Variants in MCF2L2 observed in about 807,000 individuals in gnomAD.
MCF2L2 encodes MCF.2 cell line derived transforming sequence-like 2.
In MCF2L2, 102 loss-of-function variants were observed where a neutral mutation model predicts 150.2. That is an observed-to-expected ratio of 0.68 (90% CI 0.58 to 0.80). The LOEUF (loss-of-function observed/expected upper bound fraction) is 0.80, where lower values mean the gene tolerates loss of function less well. Ranked by LOEUF, MCF2L2 falls within the 30% of genes least tolerant of loss-of-function variation. MCF2L2 has a pLI of 0.00. For missense variants in MCF2L2, 1,256 were observed against 1,372.8 expected (o/e 0.91, Z 1.34); for synonymous variants, 465 against 491.3 (o/e 0.95, Z 0.71).
intron 25 of MCF2L2, among the ~76,000 whole-genome samples, chr3:183,201,887 T>C (rs1337406544): frequency 6.6e-6 from 1 of 152,240 alleles, no homozygotes; most frequent in Non-Finnish European, 1.5e-5. Flanking sequence ...GATAATCATG[T>C]GGTTTTTGTC....
intron 1 of MCF2L2, among the ~76,000 whole-genome samples, chr3:183,401,201 G>A (rs1714736724): frequency 6.6e-6 from 1 of 152,210 alleles, no homozygotes; most frequent in South Asian, 2.1e-4. Flanking sequence ...TATACTCAGA[G>A]AGAGGCTGCC....
At chr3:183,195,989 C>T (rs573830981) in intron 25 of MCF2L2, among the ~76,000 whole-genome samples, 1 of 152,182 alleles carries the variant, frequency 6.6e-6, no homozygotes, top group Admixed American at 6.5e-5. Flanking sequence ...TCCCACCCAC[C>T]CTGCTGCCTG....
At chr3:183,396,612 T>C (rs1714479960) in intron 1 of MCF2L2, among the ~76,000 whole-genome samples, 1 of 152,082 alleles carries the variant, frequency 6.6e-6, no homozygotes. Context: ...CAAGAAAAAA[T>C]ATATTTTATG....
intron 5 of MCF2L2, among the ~76,000 whole-genome samples, chr3:183,333,842 T>TTA (rs1469308394): frequency 1.3e-5 from 2 of 151,930 alleles, no homozygotes; most frequent in Admixed American, 6.6e-5. Context: ...TGGACTCTAA[T>TTA]ATTTTCAACA....
intron 3 of MCF2L2, among the ~76,000 whole-genome samples, chr3:183,358,447 CTACA>C (rs1184554066): frequency 1.3e-5 from 2 of 152,236 alleles, no homozygotes; most frequent in Non-Finnish European, 2.9e-5. Flanking sequence ...TACAAAAACA[CTACA>C]TAAAGTTAAA....
chr3:183,389,723 G>C lies in MCF2L2; in HGVS notation c.133C>G (p.Leu45Val), dbSNP rs372319976. The C allele has an allele frequency of 1.9e-5, 31 of 1,614,036 alleles. No homozygotes were observed. Among genetic ancestry groups the C allele is most frequent in the Non-Finnish European group, 2.6e-5 (31 of 1,179,984 alleles). ...PLMAVEIIEQ[L>V]HRQFAILSGG... ...GAAAGAATGGCAAATTGTCTGTGAA[G>C]TTGTTCTATTATCTCCACCGCCATC... is the stretch of plus-strand genomic sequence containing the variant. The change falls in exon 2 of 30, where the codon CTT becomes GTT. Residue 45 changes from leucine (L) to valine (V), a missense_variant. Physicochemically the swap from Leu to Val is conservative, Grantham distance 32. Coordinates refer to ENST00000328913, the MANE Select transcript of MCF2L2 (RefSeq NM_015078.4).
Position 183,270,326 on chromosome 3 carries a change from C to A in MCF2L2, c.1862+6546G>T. ...TTACTCTGAAATTACTTATGCAGTT[C>A]AGTTGGGCAAATACCTATTGTCCAC... On this transcript the variant is annotated intron_variant, in intron 15 of 29. Transcript: ENST00000328913. The surrounding 1 kb of genome is among the most constrained non-coding windows in gnomAD (Gnocchi z 4.5). The A allele has an allele frequency of 1.2e-6, 2 of 1,614,102 alleles. No homozygotes were observed. The highest frequency in any genetic ancestry group is 2.2e-5 in the South Asian group (2 of 91,062).
chr3:183,412,647 G>C (rs911257149), intron 1 of MCF2L2, among the ~76,000 whole-genome samples: 1 of 152,246 alleles, frequency 6.6e-6, no homozygotes, highest in South Asian at 2.1e-4. Flanking sequence ...CTATATACAA[G>C]ATCATGTCAT....
chr3:183,206,082 A>G, intron 24 of MCF2L2, 40 bp downstream of exon 24: 2 of 1,586,022 alleles, frequency 1.3e-6, no homozygotes, highest in Non-Finnish European at 8.7e-7. Context: ...CACAATAAGG[A>G]AAGAGTAGAG....
At chr3:183,188,895 G>A (rs1576907609) in intron 27 of MCF2L2, among the ~76,000 whole-genome samples, 2 of 152,194 alleles carry the variant, frequency 1.3e-5, no homozygotes, top group East Asian at 1.9e-4. Flanking sequence ...TTGCACCCAG[G>A]AGGTGGAGGT....
intron 3 of MCF2L2, chr3:183,373,402 T>TA (rs1337348909): frequency 5.3e-5 from 8 of 152,188 alleles, no homozygotes; most frequent in African/African-American, 1.9e-4. Flanking sequence ...TGAATCTTTT[T>TA]ATATATTGAT....
At chr3:183,220,694 A>ACCAT (rs1384976190) in intron 20 of MCF2L2, among the ~76,000 whole-genome samples, 25 of 152,200 alleles carry the variant, frequency 1.6e-4, no homozygotes, top group Non-Finnish European at 3.4e-4. Context: ...GTACCATTTA[A>ACCAT]TCAAAAATCT....
chr3:183,210,053 G>A (rs571783727), intron 22 of MCF2L2, among the ~76,000 whole-genome samples: 4 of 152,094 alleles, frequency 2.6e-5, no homozygotes, highest in Admixed American at 6.6e-5. Flanking sequence ...AACATTCGAC[G>A]CATCTTACAG....
At chr3:183,361,237 G>A (rs78782830) in intron 3 of MCF2L2, among the ~76,000 whole-genome samples, 5,107 of 152,250 alleles carry the variant, frequency 0.034, 274 homozygotes, top group African/African-American at 0.11. Flanking sequence ...GGCATCATAG[G>A]TGGAAACTGA....
At chr3:183,262,133 A>C (rs1725657653) in intron 15 of MCF2L2, among the ~76,000 whole-genome samples, 1 of 126,756 alleles carries the variant, frequency 7.9e-6, no homozygotes, top group Non-Finnish European at 1.5e-5. Context: ...TCGTTTTATG[A>C]TACTTTATTA....
Position 183,244,206 on chromosome 3 carries a change from A to T in MCF2L2, c.1863-13189T>A, listed in dbSNP as rs549883930. Among the ~76,000 whole-genome samples the T allele has an allele frequency of 1.4e-4, 10 of 70,828 alleles. No homozygotes were observed. The South Asian group carries it at 3.2e-3, about 23-fold the overall frequency. The allele number at this position is 70,828 out of a possible 152,430, so 46.5% of individuals were successfully genotyped here. Reference sequence around the variant, plus strand: ...CCATTCCCAGTACCAAAATCTGATTAAAAAAAAAAAACAGGCAGAGGAAGG... The same window carrying T: ...CCATTCCCAGTACCAAAATCTGATTTAAAAAAAAAAACAGGCAGAGGAAGG... On this transcript the variant is annotated intron_variant, in intron 15 of 29. Transcript: ENST00000328913.
At position 183,181,205 on chromosome 3, in the gene MCF2L2, G is replaced by C. The variant is rs1721507152; in HGVS notation, c.3017-1046C>G. 6.6e-6 allele frequency among the ~76,000 whole-genome samples: 1 copy of C among 152,146 alleles called. No individual in the cohort carries two copies. Among genetic ancestry groups the C allele is most frequent in the Admixed American group, 6.5e-5 (1 of 15,282 alleles). On this transcript the variant is annotated intron_variant, in intron 27 of 29. Coordinates refer to ENST00000328913, the MANE Select transcript of MCF2L2 (RefSeq NM_015078.4). This position sits in a 1 kb window ranked among gnomAD's most constrained non-coding sequence, Gnocchi z 4.3. ...GAGGGAGCTGCAGTTATCTGGGTGAGCAGGCAGCACAAGTAGCGTCTCCTG... is the reference window on the plus strand; with the variant it reads ...GAGGGAGCTGCAGTTATCTGGGTGACCAGGCAGCACAAGTAGCGTCTCCTG...
chr3:183,343,271 A>AT (rs1278498588), intron 3 of MCF2L2, among the ~76,000 whole-genome samples: 1 of 152,182 alleles, frequency 6.6e-6, no homozygotes, highest in Admixed American at 6.5e-5. Context: ...TAGAGAGCAA[A>AT]TACTAGAGCA....
chr3:183,262,725 G>T (rs912949667), intron 15 of MCF2L2, among the ~76,000 whole-genome samples: 5 of 150,124 alleles, frequency 3.3e-5, no homozygotes, highest in African/African-American at 9.8e-5. Flanking sequence ...GGGTGGGGGG[G>T]ACAGAGCCTG....
Sources: allele counts gnomAD v4.1 joint callset (sites outside exome capture counted in the v4.1 genomes callset), GRCh38; gene constraint gnomAD v4.1.1; non-coding constraint Gnocchi (gnomAD v3.1); transcripts MANE v1.5; gene names NCBI Gene and HGNC (gene_info 2026-07-23, HGNC 2026-07-21).